The following GTF3C1 variants were observed in gnomAD, a reference collection of about 807,000 sequenced individuals.
GTF3C1 encodes general transcription factor IIIC subunit 1, also known as general transcription factor 3C polypeptide 1.
Under a neutral mutation model 226.7 loss-of-function variants are expected in GTF3C1, and 57 were observed. That is an observed-to-expected ratio of 0.25 (90% confidence interval 0.20 to 0.31). GTF3C1 has a LOEUF of 0.31. GTF3C1 is among the 10% of genes least tolerant of loss of function. GTF3C1 has a pLI of 1.00. For synonymous variants in GTF3C1, 1,090 were observed against 1,084.8 expected, an observed-to-expected ratio of 1.00 and a Z score of -0.09; for missense variants, 2,217 against 2,776.1, an observed-to-expected ratio of 0.80 and a Z score of 4.53.
chr16:27,486,093 G>A lies in GTF3C1; in HGVS notation c.3762C>T (p.Ala1254=). 1.2e-6 allele frequency: 2 copies of A among 1,606,964 alleles called. No individual in the cohort carries two copies. Residue 1254 remains alanine, a synonymous_variant, in exon 24 of 37, where the codon GCC becomes GCT. Transcript: ENST00000356183. ...CACGAAGCCGCGTCATCCGCTGCAG[G>A]GCACTCTGGTCGGCTTCATCATGGT... ...LRYHDEADQS[A]LQRMTRLRVT... is the part of the protein sequence containing the mutation.
At chr16:27,534,326 G>C (rs533549138) in intron 4 of GTF3C1, among the ~76,000 whole-genome samples, 2 of 152,326 alleles carry the variant, frequency 1.3e-5, no homozygotes, top group Non-Finnish European at 2.9e-5. Context: ...GGGAGCTCAG[G>C]GAGGGGTGCA....
intron 19 of GTF3C1, among the ~76,000 whole-genome samples, chr16:27,490,429 T>C (rs2088215862): frequency 6.6e-6 from 1 of 152,202 alleles, no homozygotes; most frequent in Admixed American, 6.5e-5. Context: ...CTTGATGGCA[T>C]GGCCGGTGGG....
rs992590282 is a variant in GTF3C1 at position 27,463,847 on chromosome 16, C to T, written c.5873-255G>A. The T allele has an allele frequency of 1.5e-5, 8 of 523,710 alleles. No homozygotes were observed. Among genetic ancestry groups the T allele is most frequent in the African/African-American group, 5.9e-5 (3 of 50,828 alleles). The allele number at this position is 523,710 out of a possible 1,614,324, so 32.4% of individuals were successfully genotyped here. ...CAAGCCCCACATTGCAGGAAGCCAG[C>T]GAACACCTCATTTTCCACCCAGAAG... On this transcript the variant is annotated intron_variant, in intron 34 of 36. Transcript: ENST00000356183. This position sits in a 1 kb window ranked among gnomAD's most constrained non-coding sequence, Gnocchi z 4.9.
At chr16:27,508,822 C>G (rs1439081736) in intron 7 of GTF3C1, among the ~76,000 whole-genome samples, 167 bp from the exon 8 acceptor site, 1 of 152,156 alleles carries the variant, frequency 6.6e-6, no homozygotes, top group Non-Finnish European at 1.5e-5. Flanking sequence ...GCTTCCCTCC[C>G]AAGCCTCTGA....
At chr16:27,497,948 G>A in intron 13 of GTF3C1, 127 bp from the exon 14 acceptor site, 2 of 696,980 alleles carry the variant, frequency 2.9e-6, no homozygotes, top group South Asian at 4.6e-5. Context: ...CTCCTTGTAG[G>A]GGCCAGGGAG....
At chr16:27,483,878 C>A (rs2088094858) in intron 25 of GTF3C1, among the ~76,000 whole-genome samples, 1 of 152,196 alleles carries the variant, frequency 6.6e-6, no homozygotes, top group Non-Finnish European at 1.5e-5. Flanking sequence ...GCAGGAAAAG[C>A]CAGCCTCTGC....
rs1204510624 is a variant in GTF3C1 at position 27,515,521 on chromosome 16, T to TC, written c.974-3621dup. On this transcript the variant is annotated intron_variant, in intron 6 of 36. Coordinates refer to ENST00000356183, the MANE Select transcript of GTF3C1 (RefSeq NM_001520.4). ...TCCCCACCAAGTTGGTTCACCGTCC[T>TC]CACCTCTCTACTAGTGGAGCAACTG... is the stretch of plus-strand genomic sequence containing the variant. 2.6e-5 allele frequency among the ~76,000 whole-genome samples: 4 copies of TC among 151,438 alleles called. No individual in the cohort carries two copies. In the East Asian group the frequency reaches 7.7e-4, roughly 29 times the overall value.
intron 19 of GTF3C1, among the ~76,000 whole-genome samples, chr16:27,491,651 T>G (rs904222165): frequency 2.0e-5 from 3 of 152,126 alleles, no homozygotes; most frequent in African/African-American, 7.2e-5. Context: ...AAAGCCCAAC[T>G]CAGCCAAGTC....
At position 27,461,199 on chromosome 16, in the gene GTF3C1, C is replaced by T. The variant is rs563654225; in HGVS notation, c.*151G>A. 2.5e-5 allele frequency: 15 copies of T among 596,126 alleles called. No homozygotes were observed. Among genetic ancestry groups the T allele is most frequent in the East Asian group, 2.5e-4 (9 of 36,256 alleles). The allele number at this position is 596,126 out of a possible 1,614,324, so 36.9% of individuals were successfully genotyped here. On this transcript the variant is annotated 3_prime_UTR_variant, in exon 37 of 37. Transcript: ENST00000356183. This position sits in a 1 kb window ranked among gnomAD's most constrained non-coding sequence, Gnocchi z 5.3. ...TCCAGAGTTCCAGTACAGTGGGAAACGTGTCAGTCTGTGACTCTGGCCAAA... is the reference window on the plus strand; with the variant it reads ...TCCAGAGTTCCAGTACAGTGGGAAATGTGTCAGTCTGTGACTCTGGCCAAA...
intron 28 of GTF3C1, 35 bp from the exon 29 acceptor site, chr16:27,476,579 C>T (rs1372027449): frequency 7.6e-6 from 9 of 1,183,216 alleles, no homozygotes; most frequent in Non-Finnish European, 1.1e-5. Context: ...ACCATGAGAC[C>T]ACAGGCACTG....
chr16:27,465,171 C>T lies in GTF3C1; in HGVS notation c.5355+89G>A, dbSNP rs1185777925. 4 of 1,226,574 alleles carry T rather than the reference C, an allele frequency of 3.3e-6. No individual in the cohort carries two copies. In the African/African-American group the frequency reaches 5.9e-5, roughly 18 times the overall value. 76.0% of individuals were successfully genotyped at this position (1,226,574 alleles called of 1,614,324 possible). A position where few individuals can be genotyped will look rare whatever the true frequency, so the allele number is the denominator to read the frequency against. ...TAAAAAGAACGCAGCATGCTATGCC[C>T]CAAATCAAGCCCATCCTCAGTGTGC... is the stretch of plus-strand genomic sequence containing the variant. On this transcript the variant is annotated intron_variant, in intron 33 of 36. Transcript: ENST00000356183.
In GTF3C1 at chr16:27,495,430, T is replaced by C; in HGVS notation, c.2413A>G (p.Met805Val). 3 of 1,614,090 alleles carry C rather than the reference T, an allele frequency of 1.9e-6. No individual in the cohort carries two copies. Among genetic ancestry groups the C allele is most frequent in the Non-Finnish European group, 2.5e-6 (3 of 1,179,986 alleles). The change falls in exon 15 of 37, where the codon ATG becomes GTG. Residue 805 changes from methionine (M) to valine (V), a missense_variant. Physicochemically the swap from Met to Val is conservative, Grantham distance 21. Transcript: ENST00000356183. Reference protein sequence around the residue: ...PKMPRLRVVHMFLWYLIYGHP... With the variant: ...PKMPRLRVVHVFLWYLIYGHP... ...CCGTAGATGAGGTACCACAGAAACA[T>C]GTGGACCACCCGCAGGCGAGGCATT...
intron 6 of GTF3C1, among the ~76,000 whole-genome samples, chr16:27,513,825 C>G (rs1036899906): frequency 6.6e-6 from 1 of 152,202 alleles, no homozygotes; most frequent in African/African-American, 2.4e-5. Flanking sequence ...CTGGGTGCTA[C>G]GGCAAGGAGT....
At chr16:27,526,944 G>T (rs182370043) in intron 6 of GTF3C1, among the ~76,000 whole-genome samples, 1 of 152,226 alleles carries the variant, frequency 6.6e-6, no homozygotes, top group African/African-American at 2.4e-5. Flanking sequence ...GGTGGCTCAC[G>T]CCTATAATCC....
At chr16:27,464,073 C>G (rs978634300) in intron 34 of GTF3C1, 1 of 434,568 alleles carries the variant, frequency 2.3e-6, no homozygotes, top group South Asian at 6.0e-5. Flanking sequence ...CTGGCCCCAC[C>G]GCCTGAGCTC....
At chr16:27,488,088 G>C in intron 23 of GTF3C1, 139 bp downstream of exon 23, 1 of 691,562 alleles carries the variant, frequency 1.4e-6, no homozygotes, top group Non-Finnish European at 2.5e-6. Flanking sequence ...CCATCATAGA[G>C]AGTCAGCGCC....
chr16:27,492,655 G>T lies in GTF3C1; in HGVS notation c.2935C>A (p.Gln979Lys). The change falls in exon 18 of 37, where the codon CAG becomes AAG. Residue 979 changes from glutamine (Q) to lysine (K), a missense_variant. Gln to Lys is a moderately conservative substitution (Grantham distance 53, BLOSUM62 1). This residue lies in a region of GTF3C1 where 353 missense variants were observed against 411.7 expected (regional missense o/e 0.86). Transcript: ENST00000356183. This position sits in a 1 kb window ranked among gnomAD's most constrained non-coding sequence, Gnocchi z 5.0. ...LQRLCYMGLL[Q>K]FGPTEKFQDK... is the part of the protein sequence containing the mutation. ...TGAAACTTTTCCGTGGGACCAAACT[G>T]TAGCAGCCCCATGTAGCACAGCCTC... 1 of 1,606,256 alleles carries T rather than the reference G, an allele frequency of 6.2e-7. No homozygotes were observed. Among genetic ancestry groups the T allele is most frequent in the Non-Finnish European group, 8.5e-7 (1 of 1,172,814 alleles).
intron 26 of GTF3C1, 68 bp from the exon 27 acceptor site, chr16:27,481,259 C>A: frequency 3.0e-6 from 4 of 1,334,128 alleles, no homozygotes; most frequent in Non-Finnish European, 4.3e-6. Context: ...CTAAGATGCA[C>A]CAAGGAATAT....
At position 27,495,928 on chromosome 16, in the gene GTF3C1, G is replaced by A. The variant is rs571955877; in HGVS notation, c.2351-436C>T. On this transcript the variant is annotated intron_variant, in intron 14 of 36. Transcript: ENST00000356183. Reference sequence around the variant, plus strand: ...CAGAGTGCAGCACCTGCGGCAGGAGGGCAATCGAGCAGGGAACCAACAAGG... The same window carrying A: ...CAGAGTGCAGCACCTGCGGCAGGAGAGCAATCGAGCAGGGAACCAACAAGG... Among the ~76,000 whole-genome samples the A allele has an allele frequency of 9.8e-5, 15 of 152,342 alleles. No individual in the cohort carries two copies. The South Asian group carries it at 3.1e-3, about 32-fold the overall frequency.
Sources: gnomAD v4.1 joint callset for allele counts (sites outside exome capture counted in the v4.1 genomes callset) on GRCh38, gnomAD v4.1.1 for gene constraint, gnomAD v4.1.1 regional missense constraint, Gnocchi (gnomAD v3.1) non-coding constraint, MANE v1.5 for transcripts, NCBI Gene and HGNC (gene_info 2026-07-23, HGNC 2026-07-21) for gene names.